The following COL28A1 variants were observed in gnomAD, a reference collection of about 807,000 sequenced individuals.
COL28A1 encodes the protein collagen alpha-1(XXVIII) chain.
A neutral mutation model predicts 150.2 loss-of-function variants in COL28A1; 161 were observed. That is an observed-to-expected ratio of 1.07 (90% confidence interval 0.94 to 1.22). The LOEUF is 1.22. Among genes scored for constraint, COL28A1 ranks in the 50% most tolerant of loss-of-function variants. The pLI is 0.00. For synonymous variants in COL28A1, 552 were observed against 469.7 expected, an observed-to-expected ratio of 1.18 and a Z score of -2.26; for missense variants, 1,617 against 1,388.3, an observed-to-expected ratio of 1.16 and a Z score of -2.62.
At chr7:7,506,534 T>G (rs1053743948) in intron 10 of COL28A1, among the ~76,000 whole-genome samples, 3 of 152,212 alleles carry the variant, frequency 2.0e-5, no homozygotes, top group Non-Finnish European at 2.9e-5. Flanking sequence ...GGTAAAATTA[T>G]AATTTTCTGT....
upstream of COL28A1, among the ~76,000 whole-genome samples, chr7:7,540,600 T>G (rs1257126020): frequency 6.6e-6 from 1 of 152,238 alleles, no homozygotes; most frequent in Non-Finnish European, 1.5e-5. Flanking sequence ...TATCTCTAAA[T>G]GCCCTAGAAA....
chr7:7,538,296 C>A (rs1412831502), upstream of COL28A1, among the ~76,000 whole-genome samples: 1 of 152,098 alleles, frequency 6.6e-6, no homozygotes, highest in Non-Finnish European at 1.5e-5. Flanking sequence ...GCATGGATAA[C>A]CATAATGACT....
At chr7:7,537,449 CA>C (rs1237792009), upstream of COL28A1, among the ~76,000 whole-genome samples, 1 of 152,104 alleles carries the variant, frequency 6.6e-6, no homozygotes, top group African/African-American at 2.4e-5. Context: ...TGACATTGAA[CA>C]AAATATTATT....
At chr7:7,464,928 A>G (rs1044628815) in intron 15 of COL28A1, among the ~76,000 whole-genome samples, 1 of 152,250 alleles carries the variant, frequency 6.6e-6, no homozygotes, top group Non-Finnish European at 1.5e-5. Context: ...GAAAATCCAA[A>G]TAAGTTCAAT....
intron 33 of COL28A1, among the ~76,000 whole-genome samples, chr7:7,364,405 C>G (rs1488231685): frequency 6.6e-6 from 1 of 152,172 alleles, no homozygotes; most frequent in Non-Finnish European, 1.5e-5. Context: ...CAGAGATACA[C>G]CAGAGGACTC....
At chr7:7,372,071 T>G (rs563203830) in intron 32 of COL28A1, among the ~76,000 whole-genome samples, 34 of 152,134 alleles carry the variant, frequency 2.2e-4, no homozygotes, top group African/African-American at 6.5e-4. Context: ...GACCTCGTGA[T>G]CCACTGTGCC....
At chr7:7,527,024 T>C (rs1402540167) in intron 3 of COL28A1, among the ~76,000 whole-genome samples, 1 of 152,240 alleles carries the variant, frequency 6.6e-6, no homozygotes, top group African/African-American at 2.4e-5. Flanking sequence ...TTCAGTTCTT[T>C]CTTTTAAAAT....
At chr7:7,399,313 A>C (rs929561418) in intron 27 of COL28A1, among the ~76,000 whole-genome samples, 2 of 152,164 alleles carry the variant, frequency 1.3e-5, no homozygotes, top group African/African-American at 4.8e-5. Context: ...ACCTCAGCCA[A>C]GAGTGACATC....
intron 7 of COL28A1, 25 bp from the exon 8 acceptor site, chr7:7,515,865 T>C (rs1446117506): frequency 2.2e-6 from 2 of 912,822 alleles, no homozygotes; most frequent in Non-Finnish European, 3.7e-6. Context: ...AAATAAAAAG[T>C]AAAATATGAT....
intron 18 of COL28A1, among the ~76,000 whole-genome samples, chr7:7,446,404 A>G (rs1583394994): frequency 6.6e-6 from 1 of 152,182 alleles, no homozygotes; most frequent in East Asian, 1.9e-4. Flanking sequence ...AAAAGAAATG[A>G]ACAAGCTAGA....
chr7:7,443,616 C>T lies in COL28A1; in HGVS notation c.1619G>A (p.Gly540Glu). Residue 540 changes from glycine to glutamate, a missense_variant, in exon 20 of 35, where the codon GGA (glycine) becomes GAA (glutamate). Physicochemically the swap from Gly to Glu is moderately conservative, Grantham distance 98. Transcript: ENST00000399429. ...AGLPGARGPEGPPGKGQPGPK... is the reference protein window; with the variant it reads ...AGLPGARGPEEPPGKGQPGPK... ...GCCAGGCTGTCCTTTTCCAGGTGGT[C>T]CTTCTGGGCCTCTTGCTCCCGGAAG... The T allele has an allele frequency of 6.2e-7, 1 of 1,614,088 alleles. No homozygotes were observed. The highest frequency in any genetic ancestry group is 1.1e-5 in the South Asian group (1 of 91,070).
chr7:7,477,216 G>A (rs1326575140), intron 13 of COL28A1, 36 bp from the exon 14 acceptor site: 6 of 879,482 alleles, frequency 6.8e-6, no homozygotes, highest in Admixed American at 5.2e-5. Context: ...AGCAGGAGGA[G>A]AGAGAAAAGG....
At chr7:7,386,409 A>G (rs575009360) in intron 27 of COL28A1, among the ~76,000 whole-genome samples, 3 of 152,330 alleles carry the variant, frequency 2.0e-5, no homozygotes, top group African/African-American at 7.2e-5. Context: ...ACAAAAAATG[A>G]GAACTAATCT....
chr7:7,391,801 C>CTTTTTTTTTTTTT (rs33991942), intron 27 of COL28A1, among the ~76,000 whole-genome samples: 1 of 115,876 alleles, frequency 8.6e-6, no homozygotes, highest in Non-Finnish European at 1.8e-5. Flanking sequence ...GCAACCCCTG[C>CTTTTTTTTTTTTT]TTTTTTTTTT....
rs1296352866 is a variant in COL28A1 at position 7,502,758 on chromosome 7, C to T, written c.1026+3256G>A. 2.3e-5 allele frequency among the ~76,000 whole-genome samples: 2 copies of T among 86,826 alleles called. 1 individual carries two copies. The highest frequency in any genetic ancestry group is 3.8e-5 in the Non-Finnish European group (2 of 52,028). 57.0% of individuals were successfully genotyped at this position (86,826 alleles called of 152,430 possible). ...TGTCGCCCAGGCTGGAGTGCAGTGG[C>T]GCGATCTCGGCTCACTGCAAGCTCC... On this transcript the variant is annotated intron_variant, in intron 11 of 34. Transcript: ENST00000399429.
intron 5 of COL28A1, among the ~76,000 whole-genome samples, chr7:7,520,409 G>A (rs569709016): frequency 6.6e-6 from 1 of 152,298 alleles, no homozygotes; most frequent in South Asian, 2.1e-4. Flanking sequence ...TCAAACTCAT[G>A]CAAAGATTTA....
chr7:7,378,021 T>A (rs1562499176), intron 30 of COL28A1, among the ~76,000 whole-genome samples: 1 of 152,046 alleles, frequency 6.6e-6, no homozygotes, highest in East Asian at 1.9e-4. Flanking sequence ...TGGGAGCTCA[T>A]GAAGATGACT....
chr7:7,414,911 TTTAA>T (rs1264920295), intron 27 of COL28A1, among the ~76,000 whole-genome samples: 4 of 152,182 alleles, frequency 2.6e-5, no homozygotes, highest in African/African-American at 9.7e-5. Flanking sequence ...GAACTCAAAG[TTTAA>T]TTATTTTATA....
At chr7:7,372,296 G>T (rs1781272756) in intron 32 of COL28A1, among the ~76,000 whole-genome samples, 1 of 151,704 alleles carries the variant, frequency 6.6e-6, no homozygotes, top group African/African-American at 2.4e-5. Context: ...CTACTTGGGA[G>T]GCTGAGGCAG....
Sources: gnomAD v4.1 joint callset for allele counts (sites outside exome capture counted in the v4.1 genomes callset) on GRCh38, gnomAD v4.1.1 for gene constraint, MANE v1.5 for transcripts, NCBI Gene and HGNC (gene_info 2026-07-23, HGNC 2026-07-21) for gene names.